Variants in RAI14 observed in about 807,000 individuals in gnomAD.
The protein encoded by RAI14 is retinoic acid induced 14.
Under a neutral mutation model 115.4 loss-of-function variants are expected in RAI14, and 45 were observed. The observed-to-expected ratio is 0.39, with a 90% CI of 0.31 to 0.50. The LOEUF (loss-of-function observed/expected upper bound fraction) is 0.50, where lower values mean the gene tolerates loss of function less well. Among genes scored for constraint, RAI14 ranks in the 20% least tolerant of loss-of-function variants. The pLI is 0.85. For synonymous variants in RAI14, 371 were observed against 415.4 expected (o/e 0.89, Z 1.30); for missense variants, 939 against 1,131.2 (o/e 0.83, Z 2.44).
At chr5:34,686,578 A>C (rs1223597569) in intron 1 of RAI14, 1 of 179,616 alleles carries the variant, frequency 5.6e-6, no homozygotes, top group Non-Finnish European at 1.2e-5. Flanking sequence ...CAATATATGC[A>C]TATTTCAAAA....
At chr5:34,783,348 G>A (rs183114048) in intron 3 of RAI14, among the ~76,000 whole-genome samples, 19 of 152,274 alleles carry the variant, frequency 1.2e-4, no homozygotes, top group Middle Eastern at 3.4e-3. Context: ...GGCTGCAACC[G>A]GGGGGTCCTC....
chr5:34,784,185 G>A (rs1752013113), intron 3 of RAI14, among the ~76,000 whole-genome samples: 1 of 152,106 alleles, frequency 6.6e-6, no homozygotes, highest in South Asian at 2.1e-4. Context: ...CACATTAATG[G>A]GCATATTAAA....
chr5:34,683,852 C>T (rs376174702), intron 1 of RAI14, among the ~76,000 whole-genome samples: 3 of 152,054 alleles, frequency 2.0e-5, no homozygotes, highest in East Asian at 1.9e-4. Flanking sequence ...CTTAGCCTCC[C>T]GAGTGGCTGG....
rs776720551 is a variant in RAI14 at position 34,807,816 on chromosome 5, A to T, written c.338A>T (p.Glu113Val). 3 of 1,610,818 alleles carry T rather than the reference A, an allele frequency of 1.9e-6. No individual in the cohort carries two copies. The highest frequency in any genetic ancestry group is 3.3e-5 in the Admixed American group (2 of 60,020). Reference sequence around the variant, plus strand: ...GTCTTATAGTCTAAATGCCCAGCCGAAAGTGTCGACAGCTCTGGGAAAACA... The same window carrying T: ...GTCTTATAGTCTAAATGCCCAGCCGTAAGTGTCGACAGCTCTGGGAAAACA... ...RKLLQSKCPA[E>V]SVDSSGKTAL... is the part of the protein sequence containing the mutation. The change falls in exon 6 of 18, where the codon GAA becomes GTA. Residue 113 changes from glutamate to valine, a missense_variant. Glu to Val is a moderately radical substitution (Grantham distance 121). Coordinates refer to ENST00000265109, the MANE Select transcript of RAI14 (RefSeq NM_015577.3).
At chr5:34,704,510 C>T (rs936967695) in intron 2 of RAI14, among the ~76,000 whole-genome samples, 2 of 152,156 alleles carry the variant, frequency 1.3e-5, no homozygotes, top group African/African-American at 2.4e-5. Flanking sequence ...TATCTTTAAA[C>T]CCGCTGACGT....
chr5:34,767,746 G>A (rs182279667), intron 3 of RAI14, among the ~76,000 whole-genome samples: 69 of 151,874 alleles, frequency 4.5e-4, no homozygotes, highest in African/African-American at 1.5e-3. Context: ...AATCACCTAG[G>A]ATTTGGTGGG....
chr5:34,757,747 TTCTC>T, intron 3 of RAI14, 149 bp downstream of exon 3: 1 of 1,073,058 alleles, frequency 9.3e-7, no homozygotes. Flanking sequence ...TCTAGTGCCT[TTCTC>T]TCCAAATTCC....
intron 5 of RAI14, among the ~76,000 whole-genome samples, chr5:34,803,986 C>A (rs1380714673): frequency 6.6e-6 from 1 of 152,172 alleles, no homozygotes; most frequent in Non-Finnish European, 1.5e-5. Context: ...AGGATCTAAT[C>A]AAAATTGGAG....
intron 2 of RAI14, among the ~76,000 whole-genome samples, chr5:34,745,577 C>T (rs921563532): frequency 6.6e-6 from 1 of 152,218 alleles, no homozygotes; most frequent in South Asian, 2.1e-4. Context: ...TGCCACTTCT[C>T]ACCCTTTGAC....
chr5:34,677,643 C>T (rs1021731723), intron 1 of RAI14, among the ~76,000 whole-genome samples: 7 of 152,116 alleles, frequency 4.6e-5, no homozygotes, highest in African/African-American at 1.7e-4. Flanking sequence ...ATGGGGATCT[C>T]ACTATGTTGC....
Position 34,785,454 on chromosome 5 carries a change from A to G in RAI14, c.168-10485A>G, listed in dbSNP as rs187124156. Among the ~76,000 whole-genome samples the G allele has an allele frequency of 1.2e-4, 18 of 152,260 alleles. No homozygotes were observed. The East Asian group carries it at 1.4e-3, about 11-fold the overall frequency. On this transcript the variant is annotated intron_variant, in intron 3 of 17. Coordinates refer to ENST00000265109, the MANE Select transcript of RAI14 (RefSeq NM_015577.3). ...GTAATAAATCTCTTCCCATAAATTTATAGGTACAGGAGTTATAATTGGTTG... is the reference window on the plus strand; with the variant it reads ...GTAATAAATCTCTTCCCATAAATTTGTAGGTACAGGAGTTATAATTGGTTG...
chr5:34,781,221 G>T (rs1026363559), intron 3 of RAI14, among the ~76,000 whole-genome samples: 1 of 125,028 alleles, frequency 8.0e-6, no homozygotes, highest in Non-Finnish European at 1.6e-5. Flanking sequence ...GGGGTCTGTC[G>T]TGGGGTGGGG....
At chr5:34,725,075 T>C (rs1233172837) in intron 2 of RAI14, among the ~76,000 whole-genome samples, 1 of 152,130 alleles carries the variant, frequency 6.6e-6, no homozygotes, top group African/African-American at 2.4e-5. Flanking sequence ...TTCATTATGA[T>C]TTAAATTAAT....
Position 34,830,932 on chromosome 5 carries a change from C to T in RAI14, c.*167C>T, listed in dbSNP as rs768694930. The T allele has an allele frequency of 4.9e-5, 61 of 1,240,894 alleles. No individual in the cohort carries two copies. The highest frequency in any genetic ancestry group is 5.9e-5 in the Non-Finnish European group (55 of 926,292). The allele number at this position is 1,240,894 out of a possible 1,614,324, so 76.9% of individuals were successfully genotyped here. On this transcript the variant is annotated 3_prime_UTR_variant, in exon 18 of 18. Coordinates refer to ENST00000265109, the MANE Select transcript of RAI14 (RefSeq NM_015577.3). Reference sequence around the variant, plus strand: ...GGACTTCTCCCAGGAGAAGACTGCCCGCCTCAGAACTGCTTAGAGACTTCA... The same window carrying T: ...GGACTTCTCCCAGGAGAAGACTGCCTGCCTCAGAACTGCTTAGAGACTTCA...
In RAI14 at chr5:34,807,678, G is replaced by C. The variant is rs987320986; in HGVS notation, c.322-122G>C. 6.4e-6 allele frequency: 5 copies of C among 775,376 alleles called. No homozygotes were observed. The African/African-American group carries it at 8.6e-5, about 13-fold the overall frequency. 48.0% of individuals were successfully genotyped at this position (775,376 alleles called of 1,614,324 possible). On this transcript the variant is annotated intron_variant, in intron 5 of 17. Transcript: ENST00000265109. Reference sequence around the variant, plus strand: ...GTAGGCCCCTGGAACACAGCAGCTGGGGCTTATTTATGTTAATAGTCTTCC... The same window carrying C: ...GTAGGCCCCTGGAACACAGCAGCTGCGGCTTATTTATGTTAATAGTCTTCC...
intron 4 of RAI14, among the ~76,000 whole-genome samples, chr5:34,800,999 T>C (rs958009107): frequency 1.3e-5 from 2 of 152,228 alleles, no homozygotes; most frequent in Non-Finnish European, 2.9e-5. Context: ...TAAGTGATGG[T>C]TGGAGGGCCA....
chr5:34,664,402 G>A (rs1410784906), intron 1 of RAI14, among the ~76,000 whole-genome samples: 5 of 135,200 alleles, frequency 3.7e-5, no homozygotes, highest in Admixed American at 1.6e-4. Context: ...GGGTGACAGC[G>A]AGACACTGTC....
intron 2 of RAI14, among the ~76,000 whole-genome samples, chr5:34,720,917 C>T (rs1742629920): frequency 6.6e-6 from 1 of 151,984 alleles, no homozygotes; most frequent in Non-Finnish European, 1.5e-5. Context: ...CCACAAACTC[C>T]TGGGCTCAAG....
rs1378974673 is a variant in RAI14, at chr5:34,812,264, A to C, written c.765+56A>C. ...TCATTTATGCTTGTGGGAATTTAAAAATGTTCAGATTTAACCACTCTGGTC... is the reference window on the plus strand; with the variant it reads ...TCATTTATGCTTGTGGGAATTTAAACATGTTCAGATTTAACCACTCTGGTC... On this transcript the variant is annotated intron_variant, in intron 10 of 17. Transcript: ENST00000265109. 6 of 1,476,408 alleles carry C rather than the reference A, an allele frequency of 4.1e-6. No individual in the cohort carries two copies. The Admixed American group carries it at 1.2e-4, about 29-fold the overall frequency. The allele number at this position is 1,476,408 out of a possible 1,614,324, so 91.5% of individuals were successfully genotyped here.
Sources: allele counts gnomAD v4.1 joint callset (sites outside exome capture counted in the v4.1 genomes callset), GRCh38; gene constraint gnomAD v4.1.1; transcripts MANE v1.5; gene names NCBI Gene and HGNC (gene_info 2026-07-23, HGNC 2026-07-21).